The following NALCN variants were observed in gnomAD, a reference collection of about 807,000 sequenced individuals.
NALCN encodes the protein sodium leak channel, non-selective.
Under a neutral mutation model 225.3 loss-of-function variants are expected in NALCN, and 111 were observed. The observed-to-expected ratio is 0.49, with a 90% CI of 0.42 to 0.58. NALCN has a LOEUF of 0.58. Ranked by LOEUF, NALCN falls within the 20% of genes least tolerant of loss-of-function variation. The pLI, the probability that NALCN is intolerant of heterozygous loss-of-function variation, is 0.00. For missense variants in NALCN, 1,378 were observed against 2,202.4 expected, an observed-to-expected ratio of 0.63 and a Z score of 7.49; for synonymous variants, 764 against 769.0, an observed-to-expected ratio of 0.99 and a Z score of 0.11.
intron 15 of NALCN, among the ~76,000 whole-genome samples, chr13:101,162,742 G>C (rs1339282262): frequency 6.6e-6 from 1 of 152,184 alleles, no homozygotes; most frequent in Non-Finnish European, 1.5e-5. Context: ...CAATGGTACA[G>C]TGCAGTAAGC....
chr13:101,108,176 C>T (rs998084121), intron 20 of NALCN, among the ~76,000 whole-genome samples: 6 of 150,352 alleles, frequency 4.0e-5, no homozygotes, highest in South Asian at 2.1e-4. Context: ...TATATACTTA[C>T]ATTAAATATA....
At chr13:101,154,731 G>C (rs1475444965) in intron 15 of NALCN, among the ~76,000 whole-genome samples, 1 of 152,148 alleles carries the variant, frequency 6.6e-6, no homozygotes, top group East Asian at 1.9e-4. Context: ...GGCAGAAGAG[G>C]ATCATTTGTA....
At chr13:101,179,958 TTATC>T (rs1415592248) in intron 14 of NALCN, among the ~76,000 whole-genome samples, 5 of 152,060 alleles carry the variant, frequency 3.3e-5, no homozygotes, top group Non-Finnish European at 7.4e-5. Context: ...CACTTGGCCT[TTATC>T]TAACACCAGT....
At chr13:101,129,566 C>T (rs1282760428) in intron 17 of NALCN, among the ~76,000 whole-genome samples, 2 of 152,096 alleles carry the variant, frequency 1.3e-5, no homozygotes, top group African/African-American at 2.4e-5. Context: ...CTTCAAGAAG[C>T]CCTGGTTTAC....
chr13:101,157,955 G>C (rs974964422), intron 15 of NALCN, among the ~76,000 whole-genome samples: 1 of 152,182 alleles, frequency 6.6e-6, no homozygotes, highest in East Asian at 1.9e-4. Flanking sequence ...GTTTCACCAC[G>C]TTGGCCAGGC....
intron 1 of NALCN, among the ~76,000 whole-genome samples, chr13:101,407,713 T>G (rs2047663733): frequency 6.6e-6 from 1 of 152,200 alleles, no homozygotes; most frequent in Non-Finnish European, 1.5e-5. Context: ...AGAATCCAAG[T>G]AGTCTATTTG....
intron 1 of NALCN, among the ~76,000 whole-genome samples, chr13:101,403,846 T>C (rs867002493): frequency 6.6e-6 from 1 of 152,142 alleles, no homozygotes; most frequent in African/African-American, 2.4e-5. Context: ...CCTGGCACAG[T>C]TTGAGAAGGA....
chr13:101,143,420 AATAACTTTCAAGC>A (rs1347355853), intron 16 of NALCN, among the ~76,000 whole-genome samples, 199 bp from the exon 17 acceptor site: 1 of 152,166 alleles, frequency 6.6e-6, no homozygotes, highest in African/African-American at 2.4e-5. Context: ...ATATCCTTGA[AATAACTTTCAAGC>A]AATATTACTC....
At chr13:101,410,475 C>A (rs2047748709) in intron 1 of NALCN, among the ~76,000 whole-genome samples, 1 of 152,150 alleles carries the variant, frequency 6.6e-6, no homozygotes, top group African/African-American at 2.4e-5. Context: ...ACAGTATATT[C>A]TATTCTTTCC....
chr13:101,406,333 A>G (rs1425198222), intron 1 of NALCN, among the ~76,000 whole-genome samples: 11 of 152,090 alleles, frequency 7.2e-5, no homozygotes, highest in Admixed American at 6.5e-4. Context: ...CTCAAAAAGA[A>G]AAAAAGAAAA....
chr13:101,062,045 C>A lies in NALCN; in HGVS notation c.4678G>T (p.Glu1560Ter), dbSNP rs2031992194. 6.2e-7 allele frequency: 1 copy of A among 1,614,054 alleles called. No homozygotes were observed. Among genetic ancestry groups the A allele is most frequent in the South Asian group, 1.1e-5 (1 of 91,090 alleles). Residue 1560 changes from glutamate (E) to a stop codon, truncating the protein, a stop_gained, in exon 41 of 44, where the codon GAG (glutamate) becomes TAG (stop). Coordinates refer to ENST00000251127, the MANE Select transcript of NALCN (RefSeq NM_052867.4). LOFTEE classifies it high-confidence loss of function. Reference protein sequence around the residue: ...LEELLAREQLEYTIEEEVAKQ... With the variant: ...LEELLAREQL ...GCCACCTCCTCCTCTATGGTGTACTCCAGCTGCTCCCTCGCCAGGAGTTCC... is the reference window on the plus strand; with the variant it reads ...GCCACCTCCTCCTCTATGGTGTACTACAGCTGCTCCCTCGCCAGGAGTTCC...
At chr13:101,151,543 T>C (rs1336944671) in intron 15 of NALCN, among the ~76,000 whole-genome samples, 1 of 152,176 alleles carries the variant, frequency 6.6e-6, no homozygotes, top group Non-Finnish European at 1.5e-5. Context: ...TTGTTCAATA[T>C]AGGAAAAATA....
chr13:101,286,517 G>T (rs936358607), intron 9 of NALCN, among the ~76,000 whole-genome samples: 4 of 152,198 alleles, frequency 2.6e-5, no homozygotes, highest in Non-Finnish European at 5.9e-5. Flanking sequence ...GAAGGAAGGT[G>T]TCTGGATCCG....
chr13:101,195,809 G>A (rs2039868297), intron 13 of NALCN, among the ~76,000 whole-genome samples: 1 of 152,150 alleles, frequency 6.6e-6, no homozygotes, highest in Admixed American at 6.5e-5. Context: ...CCCTTCCAGT[G>A]TGAGATGAAG....
chr13:101,203,856 G>A (rs1284864763), intron 13 of NALCN, among the ~76,000 whole-genome samples: 1 of 152,156 alleles, frequency 6.6e-6, no homozygotes, highest in Non-Finnish European at 1.5e-5. Context: ...AAGCTACAGT[G>A]ACTTCTTACT....
At chr13:101,066,327 G>A (rs538979073) in intron 39 of NALCN, among the ~76,000 whole-genome samples, 60 of 143,622 alleles carry the variant, frequency 4.2e-4, no homozygotes, top group African/African-American at 1.4e-3. Context: ...AAAAAAAAGA[G>A]CTAACTAACT....
At chr13:101,210,331 G>C (rs1258395405) in intron 13 of NALCN, among the ~76,000 whole-genome samples, 1 of 152,038 alleles carries the variant, frequency 6.6e-6, no homozygotes, top group African/African-American at 2.4e-5. Context: ...GCAGAAGTAG[G>C]CATTTTAGTC....
rs1478215907 is a variant in NALCN, at chr13:101,342,232, A to T, written c.799+3034T>A. ...ATTAATCACCTGGAGAGCCTTTAAA[A>T]GCCATCTATTCCTTGGATCACTCTA... On this transcript the variant is annotated intron_variant, in intron 7 of 43. Transcript: ENST00000251127. Among the ~76,000 whole-genome samples the T allele has an allele frequency of 5.3e-5, 8 of 152,330 alleles. No individual in the cohort carries two copies. In the East Asian group the frequency reaches 1.5e-3, roughly 29 times the overall value.
intron 11 of NALCN, among the ~76,000 whole-genome samples, chr13:101,256,949 T>C (rs1594540481): frequency 6.6e-6 from 1 of 151,774 alleles, no homozygotes; most frequent in South Asian, 2.1e-4. Context: ...ATTTTTAGTA[T>C]AGATGGGGTT....
Sources: gnomAD v4.1 joint callset for allele counts (sites outside exome capture counted in the v4.1 genomes callset) on GRCh38, gnomAD v4.1.1 for gene constraint, MANE v1.5 for transcripts, NCBI Gene and HGNC (gene_info 2026-07-23, HGNC 2026-07-21) for gene names.